The following DCDC1 variants were observed in gnomAD, a reference collection of about 807,000 sequenced individuals.
DCDC1 encodes doublecortin domain-containing protein 1.
Under a neutral mutation model 178.3 loss-of-function variants are expected in DCDC1, and 200 were observed. That is an observed-to-expected ratio of 1.12 (90% CI 1.00 to 1.26). DCDC1 has a LOEUF of 1.26. Among genes scored for constraint, DCDC1 ranks in the 50% most tolerant of loss-of-function variants. DCDC1 has a pLI of 0.00. For missense variants in DCDC1, 1,983 were observed against 1,749.2 expected (o/e 1.13, Z -2.38); for synonymous variants, 690 against 604.8 (o/e 1.14, Z -2.07).
chr11:30,915,566 C>T lies in DCDC1; in HGVS notation c.3598G>A (p.Val1200Met), dbSNP rs1335156568. ...TGACTACCATCAGATTTCTTCTCCA[C>T]CAAAACCACCTCCATGCCTGATCGG... ...NLRSGMEVVL[V>M]EKKSDGSHQR... Residue 1200 changes from valine to methionine, a missense_variant, in exon 27 of 39, where the codon GTG becomes ATG. Coordinates refer to ENST00000684477, the MANE Select transcript of DCDC1 (RefSeq NM_001387274.1). The T allele has an allele frequency of 3.7e-6, 6 of 1,613,968 alleles. No homozygotes were observed. Among genetic ancestry groups the T allele is most frequent in the Non-Finnish European group, 5.1e-6 (6 of 1,179,872 alleles).
At chr11:31,093,471 T>G (rs1403278056) in intron 16 of DCDC1, among the ~76,000 whole-genome samples, 1 of 152,304 alleles carries the variant, frequency 6.6e-6, no homozygotes, top group East Asian at 1.9e-4. Context: ...ATTTACAAAA[T>G]GTACTGCAGT....
At chr11:31,294,724 A>AAGGG (rs201019954) in intron 6 of DCDC1, among the ~76,000 whole-genome samples, 32 of 71,476 alleles carry the variant, frequency 4.5e-4, no homozygotes, top group South Asian at 8.2e-4. Flanking sequence ...GGAAGGAAGG[A>AAGGG]AGGGAGGGAG....
intron 20 of DCDC1, among the ~76,000 whole-genome samples, chr11:31,006,480 C>T (rs1486196529): frequency 6.6e-6 from 1 of 152,208 alleles, no homozygotes; most frequent in African/African-American, 2.4e-5. Flanking sequence ...CAACAATCTA[C>T]TGAACAAACA....
At chr11:31,115,278 C>T (rs1565303644) in intron 11 of DCDC1, among the ~76,000 whole-genome samples, 1 of 152,146 alleles carries the variant, frequency 6.6e-6, no homozygotes, top group African/African-American at 2.4e-5. Context: ...TATTTAAGGA[C>T]TTGTGCAAGG....
intron 9 of DCDC1, among the ~76,000 whole-genome samples, chr11:31,142,474 ATGTGTGTGTGTGTATGTGTGTGTG>A (rs1565340308): frequency 7.9e-6 from 1 of 127,072 alleles, no homozygotes; most frequent in Non-Finnish European, 1.7e-5. Flanking sequence ...TTTTCAAAGG[ATGTGTGTGTGTGTATGTGTGTGTG>A]TGTGTGTGTG....
At chr11:31,164,129 T>G (rs554021456) in intron 9 of DCDC1, among the ~76,000 whole-genome samples, 1 of 152,110 alleles carries the variant, frequency 6.6e-6, no homozygotes, top group Non-Finnish European at 1.5e-5. Context: ...GGACAAATCA[T>G]CAAATCCTAT....
intron 38 of DCDC1, among the ~76,000 whole-genome samples, chr11:30,875,505 G>A (rs1942034516): frequency 6.6e-6 from 1 of 151,244 alleles, no homozygotes; most frequent in Non-Finnish European, 1.5e-5. Flanking sequence ...GCTTCCAAAT[G>A]ACGCAGATTT....
rs1472920564 is a variant in DCDC1 at position 30,954,042 on chromosome 11, C to T, written c.2592-1474G>A. 5.6e-5 allele frequency among the ~76,000 whole-genome samples: 7 copies of T among 125,262 alleles called. No homozygotes were observed. In the Admixed American group the frequency reaches 5.7e-4, roughly 10 times the overall value. 82.2% of individuals were successfully genotyped at this position (125,262 alleles called of 152,430 possible). A position where few individuals can be genotyped will look rare whatever the true frequency, so the allele number is the denominator to read the frequency against. ...TTTTTTTTTTTTTGAGACAGAGTCT[C>T]GCTCTGTCGCCCAGGCTGGAATGCA... is the stretch of plus-strand genomic sequence containing the variant. On this transcript the variant is annotated intron_variant, in intron 20 of 38. Coordinates refer to ENST00000684477, the MANE Select transcript of DCDC1 (RefSeq NM_001387274.1).
intron 9 of DCDC1, among the ~76,000 whole-genome samples, chr11:31,192,699 G>A (rs1382892468): frequency 6.6e-6 from 1 of 152,062 alleles, no homozygotes; most frequent in Non-Finnish European, 1.5e-5. Context: ...AGCAATTGTT[G>A]CAGCATATTG....
intron 20 of DCDC1, among the ~76,000 whole-genome samples, chr11:30,978,499 T>C (rs1227280829): frequency 6.6e-6 from 1 of 152,180 alleles, no homozygotes; most frequent in Non-Finnish European, 1.5e-5. Context: ...TATTGATACA[T>C]AATATTTGTA....
intron 20 of DCDC1, among the ~76,000 whole-genome samples, chr11:31,058,705 A>T (rs1370811651): frequency 2.6e-5 from 4 of 152,144 alleles, no homozygotes; most frequent in African/African-American, 9.7e-5. Flanking sequence ...CATGATCTGA[A>T]TTATGAATAT....
intron 1 of DCDC1, among the ~76,000 whole-genome samples, chr11:31,337,406 C>T (rs1017523303): frequency 5.3e-5 from 8 of 152,318 alleles, no homozygotes; most frequent in Middle Eastern, 3.4e-3. Context: ...TGATGGCTCA[C>T]GCCTGTAATC....
intron 17 of DCDC1, among the ~76,000 whole-genome samples, chr11:31,081,319 A>G (rs1957153091): frequency 6.6e-6 from 1 of 152,196 alleles, no homozygotes; most frequent in Admixed American, 6.5e-5. Context: ...TTAAGAAAAA[A>G]AGAAATAAGG....
chr11:31,014,336 T>C (rs547859294), intron 20 of DCDC1, among the ~76,000 whole-genome samples: 1 of 150,502 alleles, frequency 6.6e-6, no homozygotes, highest in Non-Finnish European at 1.5e-5. Flanking sequence ...AAAGGCCCCA[T>C]TTGACCAGAA....
chr11:31,065,925 C>A (rs1205340099), intron 18 of DCDC1, among the ~76,000 whole-genome samples: 1 of 152,130 alleles, frequency 6.6e-6, no homozygotes, highest in African/African-American at 2.4e-5. Context: ...TTGTCCCACG[C>A]ATCTTTTATT....
At chr11:31,342,203 A>T (rs972288251) in intron 1 of DCDC1, among the ~76,000 whole-genome samples, 1 of 152,166 alleles carries the variant, frequency 6.6e-6, no homozygotes, top group Non-Finnish European at 1.5e-5. Context: ...AGATTATGAG[A>T]CTACACTTGC....
In DCDC1 at chr11:31,102,177, C is replaced by A. The variant is rs868655760; in HGVS notation, c.1983G>T (p.Lys661Asn). 2 of 708,882 alleles carry A rather than the reference C, an allele frequency of 2.8e-6. No homozygotes were observed. Among genetic ancestry groups the A allele is most frequent in the Admixed American group, 1.8e-5 (1 of 54,776 alleles). The allele number at this position is 708,882 out of a possible 1,614,324, so 43.9% of individuals were successfully genotyped here. ...VDLENHFLQN[K>N]VDPNIVLHAS... ...TAAAGTACAATAACTAAAATCCCAC[C>A]TTGTTCTGTAGAAAATGGTTCTCCA... The change falls in exon 15 of 39, where the codon AAG becomes AAT. Residue 661 changes from lysine to asparagine, a missense_variant and splice_region_variant. By Grantham distance (94) the Lys-to-Asn change is moderately conservative (BLOSUM62 0). Transcript: ENST00000684477.
Position 31,234,735 on chromosome 11 carries a change from C to A in DCDC1, c.1221+6715G>T, listed in dbSNP as rs567989610. Among the ~76,000 whole-genome samples the A allele has an allele frequency of 6.6e-5, 10 of 152,172 alleles. No homozygotes were observed. The East Asian group carries it at 1.9e-3, about 29-fold the overall frequency. On this transcript the variant is annotated intron_variant, in intron 9 of 38. Coordinates refer to ENST00000684477, the MANE Select transcript of DCDC1 (RefSeq NM_001387274.1). ...AGGAGGGGGCAGGAGGCAGGGGGCC[C>A]AGGATGTTGACAGAACAGATAGGAT...
intron 7 of DCDC1, among the ~76,000 whole-genome samples, chr11:31,267,248 T>C (rs933378277): frequency 1.3e-5 from 2 of 152,042 alleles, no homozygotes; most frequent in African/African-American, 2.4e-5. Flanking sequence ...TTGAGTGCAG[T>C]GGTACGATCT....
Sources: allele counts gnomAD v4.1 joint callset (sites outside exome capture counted in the v4.1 genomes callset), GRCh38; gene constraint gnomAD v4.1.1; transcripts MANE v1.5; gene names NCBI Gene and HGNC (gene_info 2026-07-23, HGNC 2026-07-21).